CDK16: variants seen among roughly 807,000 people sequenced by gnomAD.
CDK16 encodes cyclin dependent kinase 16.
A neutral mutation model predicts 41.6 loss-of-function variants in CDK16; 2 were observed. That is an observed-to-expected ratio of 0.05 (90% confidence interval 0.02 to 0.15). The LOEUF (loss-of-function observed/expected upper bound fraction) is 0.15. CDK16 is among the 10% of genes least tolerant of loss of function. The pLI is 1.00. For missense variants in CDK16, 228 were observed against 428.9 expected (o/e 0.53, Z 4.14); for synonymous variants, 169 against 169.7 (o/e 1.00, Z 0.03).
intron 11 of CDK16, 23 bp downstream of exon 11, chrX:47,226,932 C>T (rs777708225): frequency 8.3e-6 from 10 of 1,198,445 alleles, no homozygotes; most frequent in African/African-American, 7.0e-5. Flanking sequence ...GGGCCCTAGG[C>T]GCTGTGGAGA....
intron 1 of CDK16, chrX:47,223,235 G>A: frequency 8.6e-7 from 1 of 1,156,737 alleles, no homozygotes; most frequent in Non-Finnish European, 1.1e-6. Context: ...TCCTGCAGTG[G>A]GGCTTTTCCC....
rs1178655389 is a variant in CDK16, at chrX:47,227,210, C to G, written c.1271C>G (p.Thr424Ser). The G allele has an allele frequency of 8.3e-7, 1 of 1,206,965 alleles. No homozygotes were observed. Among genetic ancestry groups the G allele is most frequent in the Non-Finnish European group, 1.1e-6 (1 of 893,570 alleles). The stretch of plus-strand genomic sequence containing the variant: ...GATAGCGACGGGGCCGACCTCCTCA[C>G]CAAGCTGTTGCAGGTGAGACCACCT... ...RLDSDGADLL[T>S]KLLQFEGRNR... The change falls in exon 13 of 16, where the codon ACC (threonine) becomes AGC (serine). Residue 424 changes from threonine to serine, a missense_variant. Transcript: ENST00000357227.
chrX:47,226,074 C>G (rs201742676), intron 8 of CDK16, 47 bp downstream of exon 8: 138 of 1,139,706 alleles, frequency 1.2e-4, no homozygotes, highest in Non-Finnish European at 2.7e-5. Flanking sequence ...CCCCACTCAC[C>G]CACTCCAACC....
In CDK16 at chrX:47,225,318, C is replaced by T. The variant is rs919566442; in HGVS notation, c.634+216C>T. On this transcript the variant is annotated intron_variant, in intron 6 of 15. Coordinates refer to ENST00000357227, the MANE Select transcript of CDK16 (RefSeq NM_006201.5). ...ATGAATTGCAAACCAGGGTTTGGTT[C>T]TGAGAACACCCCTGAAAGTGCTCAC... 2.7e-5 allele frequency among the ~76,000 whole-genome samples: 3 copies of T among 112,147 alleles called. No individual in the cohort carries two copies. The Admixed American group carries it at 2.8e-4, about 11-fold the overall frequency.
At chrX:47,223,874 T>A (rs1237729217) in intron 2 of CDK16, 115 bp downstream of exon 2, 1 of 589,276 alleles carries the variant, frequency 1.7e-6, no homozygotes, top group Non-Finnish European at 2.7e-6. Context: ...CTGCCCCCCA[T>A]GTGCTCTCTT....
intron 1 of CDK16, chrX:47,222,992 G>T: frequency 2.2e-6 from 2 of 914,019 alleles, no homozygotes; most frequent in Non-Finnish European, 2.9e-6. Context: ...ATGGGATGAT[G>T]CAGTGGTTGT....
rs1189695616 is a variant in CDK16, at chrX:47,226,042, G to C, written c.792+15G>C. 1 of 1,187,151 alleles carries C rather than the reference G, an allele frequency of 8.4e-7. No individual in the cohort carries two copies. Among genetic ancestry groups the C allele is most frequent in the African/African-American group, 1.8e-5 (1 of 56,685 alleles). On this transcript the variant is annotated intron_variant, in intron 8 of 15. Transcript: ENST00000357227. Reference sequence around the variant, plus strand: ...ACAACGTGAAAGTGGGTGTGGGGCAGGAAGCAGGGGCACAAGGGGGCCCCC... The same window carrying C: ...ACAACGTGAAAGTGGGTGTGGGGCACGAAGCAGGGGCACAAGGGGGCCCCC...
In CDK16 at chrX:47,222,049, G is replaced by A. The variant is rs764094247; in HGVS notation, c.-6-1503G>A. On this transcript the variant is annotated intron_variant, in intron 1 of 15. Coordinates refer to ENST00000357227, the MANE Select transcript of CDK16 (RefSeq NM_006201.5). ...CAGAGCCCAAGAGGAAGCAGAAGACGGCTGGCCTAAGCCTTTTGGTGGCCC... is the reference window on the plus strand; with the variant it reads ...CAGAGCCCAAGAGGAAGCAGAAGACAGCTGGCCTAAGCCTTTTGGTGGCCC... The A allele has an allele frequency of 3.6e-5, 4 of 111,639 alleles. No homozygotes were observed. The Admixed American group carries it at 3.8e-4, about 11-fold the overall frequency. 9.2% of individuals were successfully genotyped at this position (111,639 alleles called of 1,213,427 possible).
intron 1 of CDK16, 72 bp from the exon 2 acceptor site, chrX:47,223,480 G>A (rs889705808): frequency 3.6e-5 from 39 of 1,081,791 alleles, no homozygotes; most frequent in South Asian, 4.0e-5. Context: ...CTAGGCTGTG[G>A]GCTTTAGGGA....
intron 1 of CDK16, chrX:47,223,327 G>A (rs927539779): frequency 8.7e-7 from 1 of 1,150,203 alleles, no homozygotes; most frequent in African/African-American, 1.8e-5. Flanking sequence ...CTACGTAGGA[G>A]CAGGGTCCCA....
intron 2 of CDK16, 51 bp downstream of exon 2, chrX:47,223,810 G>A: frequency 9.3e-7 from 1 of 1,072,975 alleles, no homozygotes; most frequent in Non-Finnish European, 1.3e-6. Context: ...CTGCTTCCCA[G>A]GTGTTGCCTC....
chrX:47,221,909 A>C (rs185201233), intron 1 of CDK16, among the ~76,000 whole-genome samples: 4 of 111,771 alleles, frequency 3.6e-5, no homozygotes, highest in Admixed American at 9.4e-5. Flanking sequence ...ATCCAGCCCC[A>C]GTCTCATCCT....
At chrX:47,225,538 C>A (rs182672424) in intron 6 of CDK16, among the ~76,000 whole-genome samples, 68 of 111,747 alleles carry the variant, frequency 6.1e-4, no homozygotes, top group Admixed American at 5.7e-3. Context: ...GGCTGCAATC[C>A]CAGGTTCTTG....
chrX:47,228,399 C>T, intron 14 of CDK16, 168 bp from the exon 15 acceptor site: 1 of 435,989 alleles, frequency 2.3e-6, no homozygotes, highest in Admixed American at 4.1e-5. Flanking sequence ...GTCTATATTT[C>T]ATCTTCCCTG....
chrX:47,221,103 C>T (rs1937320003), intron 1 of CDK16, among the ~76,000 whole-genome samples: 1 of 110,771 alleles, frequency 9.0e-6, no homozygotes, highest in African/African-American at 3.3e-5. Flanking sequence ...AGTGAGGCCT[C>T]CTTGAGGGTC....
chrX:47,219,680 C>T (rs1175086402), intron 1 of CDK16, among the ~76,000 whole-genome samples: 2 of 110,342 alleles, frequency 1.8e-5, no homozygotes, highest in African/African-American at 6.6e-5. Context: ...GCGATGAGGC[C>T]CTGGATGGTG....
chrX:47,224,760 C>G lies in CDK16; in HGVS notation c.462+17C>G, dbSNP rs1156665057. The G allele has an allele frequency of 8.3e-7, 1 of 1,209,503 alleles. No homozygotes were observed. Among genetic ancestry groups the G allele is most frequent in the Non-Finnish European group, 1.1e-6 (1 of 895,010 alleles). On this transcript the variant is annotated intron_variant, in intron 4 of 15. Transcript: ENST00000357227. ...GTCAGCCTAGTAAGCACCTTCTGTT[C>G]CCGTCCTCTCCTTTTTCTTCTCTCC...
upstream of CDK16, chrX:47,218,305 C>G (rs1937168004): frequency 4.4e-6 from 1 of 227,947 alleles, no homozygotes; most frequent in Non-Finnish European, 7.9e-6. Flanking sequence ...CAGGCTGCCT[C>G]TCCTCGAAAA....
chrX:47,218,423 C>T (rs2147310458), upstream of CDK16: 1 of 415,947 alleles, frequency 2.4e-6, no homozygotes. Flanking sequence ...TCCCGTTTGC[C>T]ACCATGGGGA....
Sources: allele counts gnomAD v4.1 joint callset (sites outside exome capture counted in the v4.1 genomes callset), GRCh38; gene constraint gnomAD v4.1.1; transcripts MANE v1.5; gene names NCBI Gene and HGNC (gene_info 2026-07-23, HGNC 2026-07-21).